CACNA1I: variants seen among roughly 807,000 people sequenced by gnomAD.
The protein encoded by CACNA1I is calcium voltage-gated channel subunit alpha1 I.
CACNA1I carries 74 observed loss-of-function variants against 201.6 expected under a neutral mutation model. The ratio of observed to expected loss-of-function variants is 0.37; its 90% confidence interval spans 0.30 to 0.45. The LOEUF (loss-of-function observed/expected upper bound fraction) is 0.45. Among genes scored for constraint, CACNA1I ranks in the 20% least tolerant of loss-of-function variants. The pLI, the probability that CACNA1I is intolerant of heterozygous loss-of-function variation, is 1.00. For synonymous variants in CACNA1I, 1,431 were observed against 1,345.2 expected (o/e 1.06, Z -1.40); for missense variants, 2,346 against 3,138.1 (o/e 0.75, Z 6.03).
chr22:39,662,146 G>C lies in CACNA1I; in HGVS notation c.3083G>C (p.Arg1028Pro). The C allele has an allele frequency of 1.3e-6, 2 of 1,526,382 alleles. No homozygotes were observed. The highest frequency in any genetic ancestry group is 2.9e-5 in the African/African-American group (2 of 69,766). The allele number at this position is 1,526,382 out of a possible 1,614,324, so 94.6% of individuals were successfully genotyped here. ...GTTGCCGCGGACGAGGGGCCGCCGC[G>C]GGCCGCACCCCTGCACACCCCACAC... ...CEVAADEGPPRAAPLHTPHAH... is the reference protein window; with the variant it reads ...CEVAADEGPPPAAPLHTPHAH... Residue 1028 changes from arginine (R) to proline (P), a missense_variant, in exon 17 of 37, where the codon CGG becomes CCG. Arg to Pro is a moderately radical substitution (Grantham distance 103, BLOSUM62 -2). This residue lies in a region of CACNA1I where 288 missense variants were observed against 255.2 expected (regional missense o/e 1.13). Transcript: ENST00000402142.
Position 39,663,835 on chromosome 22 carries a change from C to A in CACNA1I, c.3591C>A (p.Gly1197=). 6.2e-7 allele frequency: 1 copy of A among 1,613,558 alleles called. No individual in the cohort carries two copies. Among genetic ancestry groups the A allele is most frequent in the Non-Finnish European group, 8.5e-7 (1 of 1,179,788 alleles). Residue 1197 remains glycine, a synonymous_variant, in exon 19 of 37, where the codon GGC becomes GGA. Coordinates refer to ENST00000402142, the MANE Select transcript of CACNA1I (RefSeq NM_021096.4). ...IALERPQIEA[G]STERIFLTVS... ...TGGAGCGGCCTCAGATCGAGGCCGG[C>A]AGCACCGTGAGTGGCTGTAGCCTTT...
intron 2 of CACNA1I, among the ~76,000 whole-genome samples, chr22:39,599,967 T>C (rs542207720): frequency 8.8e-4 from 134 of 152,382 alleles, no homozygotes; most frequent in Non-Finnish European, 1.1e-3. Context: ...CACTGAGGCC[T>C]GTGCCTGGGG....
chr22:39,592,415 C>A (rs1932833363), intron 1 of CACNA1I, among the ~76,000 whole-genome samples: 1 of 152,208 alleles, frequency 6.6e-6, no homozygotes, highest in Non-Finnish European at 1.5e-5. Context: ...CAGCTCTGGG[C>A]TTGCTGTGGA....
At chr22:39,661,034 CT>C in intron 15 of CACNA1I, 73 bp from the exon 16 acceptor site, 1 of 1,194,968 alleles carries the variant, frequency 8.4e-7, no homozygotes, top group Non-Finnish European at 1.2e-6. Flanking sequence ...GTTTGTCTGT[CT>C]CGTGGCTCCC....
In CACNA1I at chr22:39,613,924, G is replaced by A. The variant is rs577547612; in HGVS notation, c.483-5386G>A. ...GCAATCTCAGCTCACTGCAACCTCC[G>A]CCTCCTGGGTTCAAGCGATTCTCTT... On this transcript the variant is annotated intron_variant, in intron 3 of 36. Coordinates refer to ENST00000402142, the MANE Select transcript of CACNA1I (RefSeq NM_021096.4). Among the ~76,000 whole-genome samples, 8 of 152,130 alleles carry A rather than the reference G, an allele frequency of 5.3e-5. No individual in the cohort carries two copies. In the East Asian group the frequency reaches 9.7e-4, roughly 18 times the overall value.
At chr22:39,598,975 T>C (rs537643652) in intron 2 of CACNA1I, among the ~76,000 whole-genome samples, 31 of 101,752 alleles carry the variant, frequency 3.0e-4, no homozygotes, top group South Asian at 7.6e-4. Flanking sequence ...TGAGACAGAG[T>C]CTCACTGTGT....
At chr22:39,661,048 G>A in intron 15 of CACNA1I, 60 bp from the exon 16 acceptor site, 1 of 1,342,812 alleles carries the variant, frequency 7.4e-7, no homozygotes, top group Non-Finnish European at 1.1e-6. Context: ...TGGCTCCCTT[G>A]CTGTTGTTCT....
chr22:39,664,627 T>G, intron 20 of CACNA1I, 112 bp from the exon 21 acceptor site: 4 of 118,590 alleles, frequency 3.4e-5, no homozygotes, highest in East Asian at 4.3e-4. Context: ...CCCCGCCCCC[T>G]CCCCGAAGCC....
At chr22:39,604,744 ATT>A (rs879612259) in intron 3 of CACNA1I, among the ~76,000 whole-genome samples, 2 of 144,484 alleles carry the variant, frequency 1.4e-5, no homozygotes, top group Non-Finnish European at 1.5e-5. Flanking sequence ...TGCCCGGCTA[ATT>A]TTTTTTTTTT....
At chr22:39,643,170 C>T (rs893236348) in intron 7 of CACNA1I, among the ~76,000 whole-genome samples, 4 of 152,216 alleles carry the variant, frequency 2.6e-5, no homozygotes, top group African/African-American at 9.7e-5. Flanking sequence ...TTCTCTGCCT[C>T]GTGTCTCTGG....
intron 4 of CACNA1I, among the ~76,000 whole-genome samples, chr22:39,633,781 C>G (rs1317738084): frequency 2.6e-5 from 4 of 152,230 alleles, no homozygotes; most frequent in African/African-American, 9.6e-5. Context: ...AGGTGCCCCA[C>G]CAGCTCTTCA....
chr22:39,634,319 G>T (rs927944625), intron 4 of CACNA1I, among the ~76,000 whole-genome samples: 1 of 152,172 alleles, frequency 6.6e-6, no homozygotes, highest in African/African-American at 2.4e-5. Flanking sequence ...ATAAATGCTT[G>T]CTTGTTCATT....
chr22:39,606,737 G>A (rs1285432442), intron 3 of CACNA1I, among the ~76,000 whole-genome samples: 1 of 152,174 alleles, frequency 6.6e-6, no homozygotes, highest in Non-Finnish European at 1.5e-5. Context: ...TCACCATGTT[G>A]GCCAGATTGG....
intron 6 of CACNA1I, 55 bp from the exon 7 acceptor site, chr22:39,642,742 T>A (rs373290859): frequency 3.2e-6 from 4 of 1,268,874 alleles, no homozygotes; most frequent in Non-Finnish European, 4.5e-6. Context: ...CTGCCTGGGC[T>A]ACGGGCTTTC....
chr22:39,646,795 C>G lies in CACNA1I; in HGVS notation c.1376C>G (p.Ala459Gly), dbSNP rs1406751524. ...AKRRALGLYQALQSRRQALGP... is the reference protein window; with the variant it reads ...AKRRALGLYQGLQSRRQALGP... ...CGCCGCGCCCTGGGCCTCTACCAGG[C>G]CCTGCAGAGCCGGCGCCAGGCCCTG... The change falls in exon 8 of 37, where the codon GCC (alanine) becomes GGC (glycine). Residue 459 changes from alanine (A) to glycine (G), a missense_variant. By Grantham distance (60) the Ala-to-Gly change is moderately conservative. Coordinates refer to ENST00000402142, the MANE Select transcript of CACNA1I (RefSeq NM_021096.4). 2 of 1,561,212 alleles carry G rather than the reference C, an allele frequency of 1.3e-6. No homozygotes were observed. The highest frequency in any genetic ancestry group is 1.9e-5 in the Admixed American group (1 of 52,642).
At chr22:39,639,450 A>G (rs1039051428) in intron 5 of CACNA1I, among the ~76,000 whole-genome samples, 2 of 152,202 alleles carry the variant, frequency 1.3e-5, no homozygotes, top group African/African-American at 4.8e-5. Context: ...ATATTTTCTT[A>G]TAACGTTTTT....
intron 33 of CACNA1I, among the ~76,000 whole-genome samples, chr22:39,680,152 G>A (rs1935660036): frequency 6.6e-6 from 1 of 152,170 alleles, no homozygotes; most frequent in African/African-American, 2.4e-5. Context: ...TGCCAGGCAG[G>A]GAGCCTGTGT....
At chr22:39,610,867 T>C (rs1340745195) in intron 3 of CACNA1I, among the ~76,000 whole-genome samples, 1 of 152,082 alleles carries the variant, frequency 6.6e-6, no homozygotes, top group Non-Finnish European at 1.5e-5. Flanking sequence ...TCCTAGCAGT[T>C]CCAATCAGTC....
chr22:39,622,152 C>T (rs1193714414), intron 4 of CACNA1I, among the ~76,000 whole-genome samples: 2 of 152,170 alleles, frequency 1.3e-5, no homozygotes, highest in Non-Finnish European at 2.9e-5. Context: ...TCCGTACACT[C>T]AGCACCCAGA....
Sources: gnomAD v4.1 joint callset for allele counts (sites outside exome capture counted in the v4.1 genomes callset) on GRCh38, gnomAD v4.1.1 for gene constraint, gnomAD v4.1.1 regional missense constraint, MANE v1.5 for transcripts, NCBI Gene and HGNC (gene_info 2026-07-23, HGNC 2026-07-21) for gene names.